PHKA1: variants seen among roughly 807,000 people sequenced by gnomAD.
PHKA1 encodes phosphorylase kinase regulatory subunit alpha 1, also known as phosphorylase b kinase regulatory subunit alpha, skeletal muscle isoform.
Under a neutral mutation model 110.2 loss-of-function variants are expected in PHKA1, and 60 were observed. The observed-to-expected ratio is 0.54, with a 90% confidence interval of 0.44 to 0.68. The LOEUF (loss-of-function observed/expected upper bound fraction) is 0.68, where lower values mean the gene tolerates loss of function less well. Among genes scored for constraint, PHKA1 ranks in the 30% least tolerant of loss-of-function variants. PHKA1 has a pLI of 0.00. For synonymous variants in PHKA1, 316 were observed against 333.6 expected (o/e 0.95, Z 0.58); for missense variants, 801 against 942.5 (o/e 0.85, Z 1.97).
intron 12 of PHKA1, among the ~76,000 whole-genome samples, chrX:72,651,145 T>C (rs782675927): frequency 1.8e-5 from 2 of 112,356 alleles, no homozygotes; most frequent in Non-Finnish European, 3.8e-5. Context: ...TTCTCATTTG[T>C]TCATGTATCT....
chrX:72,645,926 G>A (rs1318554091), intron 13 of PHKA1, among the ~76,000 whole-genome samples: 1 of 111,913 alleles, frequency 8.9e-6, no homozygotes, highest in Non-Finnish European at 1.9e-5. Context: ...CCTAAACTGA[G>A]TTTGAAATAA....
intron 14 of PHKA1, 75 bp downstream of exon 14, chrX:72,644,287 G>T: frequency 9.4e-7 from 1 of 1,064,772 alleles, no homozygotes; most frequent in Non-Finnish European, 1.3e-6. Flanking sequence ...ACACAATCAT[G>T]AAGAAGAAAA....
At chrX:72,657,361 AG>A (rs1556301861) in intron 9 of PHKA1, among the ~76,000 whole-genome samples, 1 of 112,390 alleles carries the variant, frequency 8.9e-6, no homozygotes, top group Non-Finnish European at 1.9e-5. Flanking sequence ...CCAATGCAAG[AG>A]GTGGAAGGAC....
intron 6 of PHKA1, among the ~76,000 whole-genome samples, chrX:72,673,077 C>A (rs1306551761): frequency 7.3e-5 from 8 of 109,367 alleles, no homozygotes; most frequent in Admixed American, 6.8e-4. Flanking sequence ...GATCCTGGAT[C>A]AAAAGGATTT....
chrX:72,648,529 C>G (rs782464675), intron 13 of PHKA1, among the ~76,000 whole-genome samples: 1 of 111,649 alleles, frequency 9.0e-6, no homozygotes, highest in East Asian at 2.8e-4. Context: ...GAGTTGGAGA[C>G]CACGATTTCC....
At chrX:72,651,468 G>A (rs1349574157) in intron 12 of PHKA1, among the ~76,000 whole-genome samples, 4 of 111,176 alleles carry the variant, frequency 3.6e-5, no homozygotes, top group African/African-American at 6.5e-5. Context: ...CCCGGGAGGC[G>A]GAGGTTGTGG....
intron 28 of PHKA1, among the ~76,000 whole-genome samples, chrX:72,593,636 C>T (rs112859722): frequency 0.021 from 2,351 of 112,443 alleles, 65 homozygotes; most frequent in African/African-American, 0.07. Context: ...CCACCACACC[C>T]GGCCCAAGTC....
intron 3 of PHKA1, among the ~76,000 whole-genome samples, chrX:72,697,489 G>A (rs939393387): frequency 1.0e-4 from 11 of 109,334 alleles, no homozygotes; most frequent in Non-Finnish European, 1.7e-4. Flanking sequence ...TATTTAAAAG[G>A]CCTTCATGTT....
At chrX:72,614,056 T>A (rs1331613421) in intron 21 of PHKA1, among the ~76,000 whole-genome samples, 1 of 112,080 alleles carries the variant, frequency 8.9e-6, no homozygotes, top group Non-Finnish European at 1.9e-5. Flanking sequence ...TTGGGCTATA[T>A]GACAAATCTT....
chrX:72,599,225 A>AT (rs1351286344), intron 28 of PHKA1, among the ~76,000 whole-genome samples: 4 of 111,656 alleles, frequency 3.6e-5, no homozygotes, highest in African/African-American at 9.7e-5. Context: ...ATAATTTTCC[A>AT]TTTTTTGTTT....
At chrX:72,640,737 T>C (rs1471767700) in intron 14 of PHKA1, among the ~76,000 whole-genome samples, 1 of 111,706 alleles carries the variant, frequency 9.0e-6, no homozygotes, top group Non-Finnish European at 1.9e-5. Flanking sequence ...TTACAACTTA[T>C]GAAATTTGGA....
chrX:72,630,999 G>GTTTTT (rs146161152), intron 16 of PHKA1, among the ~76,000 whole-genome samples: 6 of 44,665 alleles, frequency 1.3e-4, no homozygotes, highest in African/African-American at 2.0e-4. Flanking sequence ...ATTTTTTCAG[G>GTTTTT]TTTTTTTTTT....
chrX:72,682,372 G>A (rs1213872772), intron 5 of PHKA1, among the ~76,000 whole-genome samples: 7 of 110,010 alleles, frequency 6.4e-5, no homozygotes, highest in Non-Finnish European at 1.2e-4. Flanking sequence ...CAGCCGCCCC[G>A]TCCGGGAGGT....
intron 28 of PHKA1, among the ~76,000 whole-genome samples, chrX:72,594,390 A>G (rs1856439512): frequency 9.0e-6 from 1 of 110,809 alleles, no homozygotes; most frequent in Non-Finnish European, 1.9e-5. Context: ...AATATCAACA[A>G]AATAGACAAA....
chrX:72,624,048 G>A (rs782357348), intron 17 of PHKA1, among the ~76,000 whole-genome samples: 3 of 111,409 alleles, frequency 2.7e-5, no homozygotes, highest in South Asian at 7.7e-4. Flanking sequence ...AAGGATCAAC[G>A]GAAGCTAATA....
Position 72,656,107 on chromosome X carries a change from C to G in PHKA1, c.1041+13G>C. On this transcript the variant is annotated intron_variant, in intron 10 of 31. Transcript: ENST00000373542. ...AAAACATTCTGCTGAAAACTCTTTC[C>G]CCAGCTTATTACCTGTTCTGCATTG... is the stretch of plus-strand genomic sequence containing the variant. 1 of 1,209,740 alleles carries G rather than the reference C, an allele frequency of 8.3e-7. No individual in the cohort carries two copies. Among genetic ancestry groups the G allele is most frequent in the Non-Finnish European group, 1.1e-6 (1 of 894,092 alleles).
At position 72,636,253 on chromosome X, in the gene PHKA1, C is replaced by A; in HGVS notation, c.1569+24G>T. 2.0e-5 allele frequency: 18 copies of A among 885,161 alleles called. 1 individual carries two copies. Among genetic ancestry groups the A allele is most frequent in the African/African-American group, 1.2e-4 (6 of 51,522 alleles). The allele number at this position is 885,161 out of a possible 1,213,427, so 72.9% of individuals were successfully genotyped here. A position where few individuals can be genotyped will look rare whatever the true frequency, so the allele number is the denominator to read the frequency against. On this transcript the variant is annotated intron_variant, in intron 15 of 31. Transcript: ENST00000373542. Reference sequence around the variant, plus strand: ...TCTTTTATTTCCATTCATCTCAATGCACATTCCAGTTTATTTCACCCACCT... The same window carrying A: ...TCTTTTATTTCCATTCATCTCAATGAACATTCCAGTTTATTTCACCCACCT...
At chrX:72,672,728 G>C (rs1344175764) in intron 6 of PHKA1, among the ~76,000 whole-genome samples, 10 of 111,821 alleles carry the variant, frequency 8.9e-5, no homozygotes, top group Non-Finnish European at 1.9e-4. Flanking sequence ...AGGGAAAATA[G>C]AAAATTTACA....
chrX:72,681,814 T>A (rs1556315711), intron 5 of PHKA1, among the ~76,000 whole-genome samples: 1 of 24,105 alleles, frequency 4.1e-5, no homozygotes, highest in Non-Finnish European at 6.4e-5. Context: ...GGAGCCCCTC[T>A]GCCCGGCCAG....
Sources: allele counts gnomAD v4.1 joint callset (sites outside exome capture counted in the v4.1 genomes callset), GRCh38; gene constraint gnomAD v4.1.1; transcripts MANE v1.5; gene names NCBI Gene and HGNC (gene_info 2026-07-23, HGNC 2026-07-21).